Variants in IFT56 observed in about 807,000 individuals in gnomAD.
IFT56 encodes the protein intraflagellar transport protein 56.
the IFT56 span, among the ~76,000 whole-genome samples, chr7:139,169,700 A>AT: frequency 6.6e-6 from 1 of 151,922 alleles, no homozygotes; most frequent in East Asian, 1.9e-4. Context: ...TGCCTATGAT[A>AT]TTTTTTTCCA....
At chr7:139,143,647 C>A in the IFT56 span, among the ~76,000 whole-genome samples, 2 of 151,766 alleles carry the variant, frequency 1.3e-5, no homozygotes, top group Admixed American at 6.6e-5. Flanking sequence ...TAAAAAAAAA[C>A]CTCTAGTATA....
chr7:139,135,290 A>AC, the IFT56 span, among the ~76,000 whole-genome samples: 1 of 148,198 alleles, frequency 6.7e-6, no homozygotes, highest in Non-Finnish European at 1.5e-5. Context: ...AAAAAAAAAA[A>AC]AAAAAAAACA....
the IFT56 span, chr7:139,137,951 A>C: frequency 2.5e-6 from 4 of 1,591,766 alleles, no homozygotes; most frequent in Admixed American, 3.4e-5. Flanking sequence ...TTAGTGTAAA[A>C]AAAGTTTTTT....
chr7:139,161,070 T>C, the IFT56 span: 1 of 1,513,112 alleles, frequency 6.6e-7, no homozygotes, highest in East Asian at 2.3e-5. Flanking sequence ...TACTCTGCTT[T>C]GGTACATCAC....
the IFT56 span, among the ~76,000 whole-genome samples, chr7:139,177,018 A>G: frequency 6.6e-6 from 1 of 151,840 alleles, no homozygotes; most frequent in Non-Finnish European, 1.5e-5. Flanking sequence ...CTAAAAATAC[A>G]AAAATTAACC....
the IFT56 span, chr7:139,161,484 G>C: frequency 6.5e-6 from 1 of 154,008 alleles, no homozygotes; most frequent in South Asian, 2.0e-4. Context: ...ACTCAAGTTG[G>C]ATGGGTGGTT....
chr7:139,153,598 G>T, the IFT56 span, among the ~76,000 whole-genome samples: 1 of 152,034 alleles, frequency 6.6e-6, no homozygotes, highest in Non-Finnish European at 1.5e-5. Context: ...TGGTCTTTAT[G>T]ATCGGCATCT....
At chr7:139,189,335 A>G in the IFT56 span, 2 of 1,609,290 alleles carry the variant, frequency 1.2e-6, no homozygotes, top group African/African-American at 2.7e-5. Flanking sequence ...ACCCTTCGAG[A>G]AGTGCTCCAT....
chr7:139,145,008 A>T, the IFT56 span, among the ~76,000 whole-genome samples: 7 of 152,156 alleles, frequency 4.6e-5, no homozygotes, highest in Non-Finnish European at 7.4e-5. Flanking sequence ...ATATAGAGAG[A>T]TAATTCGAGT....
chr7:139,190,759 G>A, the IFT56 span: 1 of 152,152 alleles, frequency 6.6e-6, no homozygotes, highest in Non-Finnish European at 1.5e-5. Flanking sequence ...TTCCAGAAAA[G>A]AGACCCACAT....
the IFT56 span, chr7:139,148,467 A>G: frequency 8.8e-6 from 11 of 1,256,758 alleles, no homozygotes; most frequent in South Asian, 1.6e-4. Flanking sequence ...TGTTATCTGT[A>G]ACTCTTGATT....
At chr7:139,134,936 C>T in the IFT56 span, 7 of 839,972 alleles carry the variant, frequency 8.3e-6, no homozygotes, top group South Asian at 2.1e-5. Flanking sequence ...TCTAGTCAGG[C>T]ACAGATTCCA....
chr7:139,185,161 A>G, the IFT56 span, among the ~76,000 whole-genome samples: 1 of 151,748 alleles, frequency 6.6e-6, no homozygotes, highest in Non-Finnish European at 1.5e-5. Context: ...TGATTGCCTT[A>G]TTGCATTCCA....
the IFT56 span, among the ~76,000 whole-genome samples, chr7:139,143,438 T>C: frequency 1.3e-5 from 2 of 152,168 alleles, no homozygotes; most frequent in Non-Finnish European, 2.9e-5. Context: ...TATATTATCA[T>C]GAAATATCTC....
the IFT56 span, chr7:139,189,877 G>T: frequency 6.6e-6 from 1 of 152,414 alleles, no homozygotes; most frequent in Non-Finnish European, 1.5e-5. Context: ...TCCATAAAGG[G>T]TTTTATAACG....
chr7:139,186,956 C>A, the IFT56 span, among the ~76,000 whole-genome samples: 5 of 150,312 alleles, frequency 3.3e-5, 1 homozygote, highest in Non-Finnish European at 7.4e-5. Context: ...TAGCCGGGCG[C>A]GGTGGCGGGC....
chr7:139,134,259 G>A, the IFT56 span, among the ~76,000 whole-genome samples: 1 of 148,838 alleles, frequency 6.7e-6, no homozygotes, highest in Non-Finnish European at 1.5e-5. Context: ...TCGTTGTTAA[G>A]GATTTGACTT....
chr7:139,162,618 C>T, the IFT56 span, among the ~76,000 whole-genome samples: 1 of 152,074 alleles, frequency 6.6e-6, no homozygotes. Context: ...GGGTAAGTCA[C>T]TTAACATTGC....
At chr7:139,147,984 G>A in the IFT56 span, among the ~76,000 whole-genome samples, 1 of 152,148 alleles carries the variant, frequency 6.6e-6, no homozygotes, top group African/African-American at 2.4e-5. Flanking sequence ...TGAACAGCGT[G>A]AACTTTCCCT....
Sources: allele counts gnomAD v4.1 joint callset (sites outside exome capture counted in the v4.1 genomes callset), GRCh38; gene constraint gnomAD v4.1.1; transcripts MANE v1.5; gene names NCBI Gene and HGNC (gene_info 2026-07-23, HGNC 2026-07-21).